CPB2: variants seen among roughly 807,000 people sequenced by gnomAD.
CPB2 encodes carboxypeptidase B-like protein.
CPB2 carries 54 observed loss-of-function variants against 57.0 expected under a neutral mutation model. The observed-to-expected ratio is 0.95, with a 90% CI of 0.76 to 1.19. The LOEUF is 1.19. Among genes scored for constraint, CPB2 ranks in the 50% most tolerant of loss-of-function variants. The pLI is 0.00. For synonymous variants in CPB2, 189 were observed against 178.1 expected (o/e 1.06, Z -0.49); for missense variants, 426 against 512.0 (o/e 0.83, Z 1.62).
intron 5 of CPB2, among the ~76,000 whole-genome samples, chr13:46,075,420 T>A (rs1375097538): frequency 6.6e-6 from 1 of 152,236 alleles, no homozygotes; most frequent in Non-Finnish European, 1.5e-5. Flanking sequence ...TATCTGCACA[T>A]CCTTGATCAA....
intron 6 of CPB2, among the ~76,000 whole-genome samples, chr13:46,072,184 G>T (rs1014499512): frequency 2.0e-5 from 3 of 152,132 alleles, no homozygotes; most frequent in Non-Finnish European, 4.4e-5. Flanking sequence ...TAGTGTAGTG[G>T]ATTTCCACTG....
At position 46,078,860 on chromosome 13, in the gene CPB2, A is replaced by G. The variant is rs11574989; in HGVS notation, c.426T>C (p.Asp142=). 9.7e-4 allele frequency: 1,565 copies of G among 1,612,232 alleles called. 18 individuals carry two copies. The African/African-American group carries it at 0.017, about 17-fold the overall frequency. Reference sequence around the variant, plus strand: ...ATCCAATGTGGATTTTTGTAAGCATATCAGGATGCCTCTCAGTTATAAATT... The same window carrying G: ...ATCCAATGTGGATTTTTGTAAGCATGTCAGGATGCCTCTCAGTTATAAATT... ...WIEFITERHP[D]MLTKIHIGSS... Residue 142 remains aspartate, a synonymous_variant, in exon 5 of 11, where the codon GAT becomes GAC. Coordinates refer to ENST00000181383, the MANE Select transcript of CPB2 (RefSeq NM_001872.5).
Position 46,058,400 on chromosome 13 carries a change from G to C in CPB2, c.797-19C>G. The C allele has an allele frequency of 6.2e-7, 1 of 1,610,748 alleles. No homozygotes were observed. Among genetic ancestry groups the C allele is most frequent in the Non-Finnish European group, 8.5e-7 (1 of 1,177,204 alleles). On this transcript the variant is annotated intron_variant, in intron 8 of 10. Coordinates refer to ENST00000181383, the MANE Select transcript of CPB2 (RefSeq NM_001872.5). ...CCTTCCTCTGTAACGAAATTGTTAA[G>C]GTGAAATTATGAGGGGATGCACATA... is the stretch of plus-strand genomic sequence containing the variant.
chr13:46,098,997 G>T (rs572529372), intron 1 of CPB2: 7 of 152,172 alleles, frequency 4.6e-5, no homozygotes, highest in Admixed American at 1.3e-4. Flanking sequence ...AATGCGAGTG[G>T]TATAAATATT....
intron 2 of CPB2, among the ~76,000 whole-genome samples, chr13:46,086,035 C>A (rs2045198430): frequency 6.6e-6 from 1 of 152,130 alleles, no homozygotes. Flanking sequence ...CGGCTCCCTG[C>A]AAGGCTGTGG....
chr13:46,104,134 G>A (rs1313209350), intron 1 of CPB2, among the ~76,000 whole-genome samples: 1 of 152,070 alleles, frequency 6.6e-6, no homozygotes, highest in East Asian at 1.9e-4. Flanking sequence ...CTTGTCACTG[G>A]TATATTCCTT....
chr13:46,084,366 G>T lies in CPB2; in HGVS notation c.151-23C>A, dbSNP rs1566411666. The T allele has an allele frequency of 1.9e-6, 3 of 1,611,064 alleles. No homozygotes were observed. The Admixed American group carries it at 5.1e-5, about 27-fold the overall frequency. On this transcript the variant is annotated intron_variant, in intron 2 of 10. Coordinates refer to ENST00000181383, the MANE Select transcript of CPB2 (RefSeq NM_001872.5). ...AATCTACAGTTTAAGGGGCAAAATT[G>T]ATAAAATTAAAAAAGAGTTGTTCAC...
chr13:46,061,693 T>G (rs2044774257), intron 8 of CPB2, among the ~76,000 whole-genome samples: 3 of 152,096 alleles, frequency 2.0e-5, no homozygotes, highest in African/African-American at 7.2e-5. Flanking sequence ...TTTCTGTTGT[T>G]TAAGCCACCC....
At chr13:46,091,251 G>T (rs1593914796) in intron 1 of CPB2, among the ~76,000 whole-genome samples, 2 of 152,096 alleles carry the variant, frequency 1.3e-5, no homozygotes, top group South Asian at 4.1e-4. Context: ...CACACTATTA[G>T]GTTGGTGCAA....
At chr13:46,063,440 G>A (rs2044805557) in intron 8 of CPB2, among the ~76,000 whole-genome samples, 1 of 152,096 alleles carries the variant, frequency 6.6e-6, no homozygotes, top group African/African-American at 2.4e-5. Context: ...CTGTTTCTGT[G>A]TTAATTTACT....
At chr13:46,067,594 A>C (rs576304218) in intron 6 of CPB2, among the ~76,000 whole-genome samples, 177 bp from the exon 7 acceptor site, 1 of 152,256 alleles carries the variant, frequency 6.6e-6, no homozygotes, top group South Asian at 2.1e-4. Context: ...AGTGGTGATA[A>C]ATGCCTTACA....
At position 46,084,205 on chromosome 13, in the gene CPB2, T is replaced by G. The variant is rs1323821977; in HGVS notation, c.275+14A>C. On this transcript the variant is annotated intron_variant, in intron 3 of 10. Coordinates refer to ENST00000181383, the MANE Select transcript of CPB2 (RefSeq NM_001872.5). ...TTTATAATAACTACTCAATACGTAT[T>G]GAACGGTGCCTACCTGCATGGAATT... is the stretch of plus-strand genomic sequence containing the variant. The G allele has an allele frequency of 1.2e-6, 2 of 1,614,022 alleles. No individual in the cohort carries two copies. Among genetic ancestry groups the G allele is most frequent in the Admixed American group, 3.3e-5 (2 of 60,010 alleles).
chr13:46,082,701 A>G (rs2045138197), intron 3 of CPB2, 152 bp from the exon 4 acceptor site: 1 of 531,128 alleles, frequency 1.9e-6, no homozygotes, highest in East Asian at 3.1e-5. Flanking sequence ...GACATCTCGC[A>G]TTGTGGTAAA....
intron 5 of CPB2, among the ~76,000 whole-genome samples, chr13:46,076,859 G>T (rs2045029964): frequency 6.6e-6 from 1 of 151,988 alleles, no homozygotes; most frequent in Non-Finnish European, 1.5e-5. Flanking sequence ...GTCAATAAAT[G>T]GTATTGGGAA....
At chr13:46,069,283 A>G (rs2044902502) in intron 6 of CPB2, among the ~76,000 whole-genome samples, 1 of 152,264 alleles carries the variant, frequency 6.6e-6, no homozygotes, top group Admixed American at 6.5e-5. Context: ...AAGTGTGGCT[A>G]TAGCTACAAT....
intron 1 of CPB2, among the ~76,000 whole-genome samples, chr13:46,089,082 T>C (rs1221237724): frequency 6.6e-6 from 1 of 152,082 alleles, no homozygotes; most frequent in African/African-American, 2.4e-5. Context: ...CTTCTGTCCT[T>C]CTTATTTAAA....
chr13:46,073,438 C>T (rs1442166737), intron 6 of CPB2: 3 of 965,502 alleles, frequency 3.1e-6, no homozygotes, highest in Non-Finnish European at 3.7e-6. Context: ...AAAACATATT[C>T]TGTTTCACCT....
At chr13:46,062,664 G>A (rs937157186) in intron 8 of CPB2, among the ~76,000 whole-genome samples, 4 of 152,086 alleles carry the variant, frequency 2.6e-5, no homozygotes, top group Non-Finnish European at 4.4e-5. Context: ...ATTCATTCAT[G>A]GACTCATTTA....
chr13:46,104,816 A>C (rs2045474161), intron 1 of CPB2, 120 bp downstream of exon 1: 1 of 1,150,342 alleles, frequency 8.7e-7, no homozygotes, highest in Non-Finnish European at 1.2e-6. Flanking sequence ...GAAAGTTCTG[A>C]AAGACCTGGC....
Sources: allele counts gnomAD v4.1 joint callset (sites outside exome capture counted in the v4.1 genomes callset), GRCh38; gene constraint gnomAD v4.1.1; transcripts MANE v1.5; gene names NCBI Gene and HGNC (gene_info 2026-07-23, HGNC 2026-07-21).